The following ECHDC2 variants were observed in gnomAD, a reference collection of about 807,000 sequenced individuals.
ECHDC2 encodes enoyl-CoA hydratase domain-containing protein 2, mitochondrial.
ECHDC2 carries 34 observed loss-of-function variants against 40.6 expected under a neutral mutation model. That is an observed-to-expected ratio of 0.84 (90% CI 0.64 to 1.11). The LOEUF is 1.11. ECHDC2 is among the 50% of genes most tolerant of loss of function. ECHDC2 has a pLI of 0.00. For synonymous variants in ECHDC2, 162 were observed against 166.6 expected (o/e 0.97, Z 0.21); for missense variants, 392 against 400.7 (o/e 0.98, Z 0.19).
At chr1:52,899,132 C>T (rs1390224832) in intron 8 of ECHDC2, 42 bp downstream of exon 8, 2 of 1,610,554 alleles carry the variant, frequency 1.2e-6, no homozygotes, top group Non-Finnish European at 1.7e-6. Flanking sequence ...CCAGCCGCGA[C>T]CAACTTTAGT....
rs1557490168 is a variant in ECHDC2 at position 52,905,041 on chromosome 1, CG to C, written c.506del (p.Pro169ArgfsTer28). 2 of 1,614,048 alleles carry C rather than the reference CG, an allele frequency of 1.2e-6. No individual in the cohort carries two copies. The highest frequency in any genetic ancestry group is 1.7e-6 in the Non-Finnish European group (2 of 1,180,026). ...TGCTGTAGTTGCGATTACCTGCCCC[CG>C]GGAGGAGCCCTCGCGTGGTCTCAAT... ...GLIETTRGLL[P>X]GAGGTQRLPR... On this transcript the variant is annotated frameshift_variant, in exon 6 of 10. Transcript: ENST00000371522. LOFTEE classifies it high-confidence loss of function.
At chr1:52,901,920 G>C (rs1441939638) in intron 7 of ECHDC2, 1 of 152,044 alleles carries the variant, frequency 6.6e-6, no homozygotes, top group Non-Finnish European at 1.5e-5. Flanking sequence ...GTGACCCAGA[G>C]TTCTGTATTA....
intron 1 of ECHDC2, chr1:52,920,637 C>A: frequency 1.1e-6 from 1 of 894,302 alleles, no homozygotes; most frequent in Admixed American, 2.0e-5. Flanking sequence ...CCCTTTATTT[C>A]ATCAGTATTT....
rs763415087 is a variant in ECHDC2, at chr1:52,904,709, C to T, written c.639G>A (p.Gln213=). 1.2e-6 allele frequency: 2 copies of T among 1,612,656 alleles called. No homozygotes were observed. The highest frequency in any genetic ancestry group is 1.7e-6 in the Non-Finnish European group (2 of 1,179,836). Residue 213 remains glutamine (Q), a synonymous_variant, in exon 7 of 10, where the codon CAG becomes CAA. Transcript: ENST00000371522. ...VLGLVNHAVA[Q]NEEGDAAYQR... ...GGTAGGCGGCGTCCCCCTCCTCGTT[C>T]TGGGCCACAGCGTGATTCACCAGCC...
At chr1:52,912,024 G>A (rs1195819479) in intron 1 of ECHDC2, 1 of 1,414,768 alleles carries the variant, frequency 7.1e-7, no homozygotes, top group Non-Finnish European at 9.2e-7. Context: ...CTTGTAAACT[G>A]TGAAGCAAAA....
chr1:52,905,134 C>A (rs771898533), intron 5 of ECHDC2, 44 bp from the exon 6 acceptor site: 1 of 1,605,306 alleles, frequency 6.2e-7, no homozygotes, highest in Non-Finnish European at 8.5e-7. Context: ...CCCATCCGGT[C>A]CCCCAGTGCT....
At chr1:52,897,248 G>T in intron 9 of ECHDC2, 189 bp downstream of exon 9, 1 of 633,950 alleles carries the variant, frequency 1.6e-6, no homozygotes. Context: ...AGATGGTTGA[G>T]GGAAAAGTCC....
At chr1:52,897,704 TC>T (rs1646727540) in intron 8 of ECHDC2, 1 of 607,224 alleles carries the variant, frequency 1.6e-6, no homozygotes, top group South Asian at 1.9e-5. Context: ...GAGTTCTCCT[TC>T]CCATCCGGCT....
At position 52,904,640 on chromosome 1, in the gene ECHDC2, C is replaced by T; in HGVS notation, c.702+6G>A. 1.3e-6 allele frequency: 2 copies of T among 1,577,046 alleles called. No individual in the cohort carries two copies. Among genetic ancestry groups the T allele is most frequent in the Non-Finnish European group, 8.6e-7 (1 of 1,159,784 alleles). On this transcript the variant is annotated splice_donor_region_variant and intron_variant, in intron 7 of 9. Coordinates refer to ENST00000371522, the MANE Select transcript of ECHDC2 (RefSeq NM_001198961.2). The stretch of plus-strand genomic sequence containing the variant: ...CCCTCCTTCTGGTGCCGAGCTGTCA[C>T]CACACCTGGGGCAGGATCTCCTGGG...
In ECHDC2 at chr1:52,904,587, C is replaced by T. The variant is rs79433819; in HGVS notation, c.702+59G>A. ...TGTGCAGCCCAAGGGGACACCCTGCCCCACACATGCCTCCCCCATGACTCC... is the reference window on the plus strand; with the variant it reads ...TGTGCAGCCCAAGGGGACACCCTGCTCCACACATGCCTCCCCCATGACTCC... On this transcript the variant is annotated intron_variant, in intron 7 of 9. Coordinates refer to ENST00000371522, the MANE Select transcript of ECHDC2 (RefSeq NM_001198961.2). 12,848 of 1,444,480 alleles carry T rather than the reference C, an allele frequency of 8.9e-3. 952 individuals carry two copies. In the African/African-American group the frequency reaches 0.16, roughly 18 times the overall value. The allele number at this position is 1,444,480 out of a possible 1,614,324, so 89.5% of individuals were successfully genotyped here.
At position 52,914,122 on chromosome 1, in the gene ECHDC2, A is replaced by G. The variant is rs1650164892; in HGVS notation, c.122-2332T>C. On this transcript the variant is annotated intron_variant, in intron 1 of 9. Coordinates refer to ENST00000371522, the MANE Select transcript of ECHDC2 (RefSeq NM_001198961.2). This position sits in a 1 kb window ranked among gnomAD's most constrained non-coding sequence, Gnocchi z 4.0. ...TAGTGGGGAAGACAGACATTAAATA[A>G]TTACTATTTGTGAGGAGAACTTGGA... 1 of 506,942 alleles carries G rather than the reference A, an allele frequency of 2.0e-6. No individual in the cohort carries two copies. Among genetic ancestry groups the G allele is most frequent in the African/African-American group, 2.0e-5 (1 of 50,968 alleles). 31.4% of individuals were successfully genotyped at this position (506,942 alleles called of 1,614,324 possible). A position where few individuals can be genotyped will look rare whatever the true frequency, so the allele number is the denominator to read the frequency against.
chr1:52,910,865 A>T (rs1215825392), intron 3 of ECHDC2, among the ~76,000 whole-genome samples: 3 of 152,238 alleles, frequency 2.0e-5, no homozygotes, highest in Non-Finnish European at 2.9e-5. Context: ...CTCAAAGGCC[A>T]GATGCAGGGG....
rs780846335 is a variant in ECHDC2, at chr1:52,911,632, G to C, written c.211C>G (p.Leu71Val). ...ACACGCACTTGCCGGTCCTCCCGCA[G>C]CTGGGCCAGAGTTTCCAGCAGCTAC... is the stretch of plus-strand genomic sequence containing the variant. ...VSELLETLAQ[L>V]REDRQVRVLL... Residue 71 changes from leucine (L) to valine (V), a missense_variant, in exon 3 of 10, where the codon CTG becomes GTG. Coordinates refer to ENST00000371522, the MANE Select transcript of ECHDC2 (RefSeq NM_001198961.2). The C allele has an allele frequency of 6.2e-7, 1 of 1,614,192 alleles. No individual in the cohort carries two copies. Among genetic ancestry groups the C allele is most frequent in the Admixed American group, 1.7e-5 (1 of 60,022 alleles).
chr1:52,918,861 G>C lies in ECHDC2; in HGVS notation c.121+2692C>G, dbSNP rs567652127. 7.9e-5 allele frequency among the ~76,000 whole-genome samples: 12 copies of C among 151,100 alleles called. No individual in the cohort carries two copies. In the South Asian group the frequency reaches 2.3e-3, roughly 29 times the overall value. ...CCTAGGCCAGGGGTCCCCAACCCCC[G>C]GGCTGTGGACCCATCCCAGTCTGTG... is the stretch of plus-strand genomic sequence containing the variant. On this transcript the variant is annotated intron_variant, in intron 1 of 9. Coordinates refer to ENST00000371522, the MANE Select transcript of ECHDC2 (RefSeq NM_001198961.2).
chr1:52,897,153 G>C (rs1302820748), intron 9 of ECHDC2: 1 of 512,440 alleles, frequency 2.0e-6, no homozygotes, highest in Admixed American at 3.2e-5. Flanking sequence ...ATCTGATACA[G>C]AGGCAAAAGA....
rs1193398953 is a variant in ECHDC2 at position 52,921,546 on chromosome 1, C to T, written c.121+7G>A. 2 of 1,609,144 alleles carry T rather than the reference C, an allele frequency of 1.2e-6. No individual in the cohort carries two copies. Among genetic ancestry groups the T allele is most frequent in the Admixed American group, 1.7e-5 (1 of 59,642 alleles). ...CGTCATGCGCCGCCCCGGAACTGCA[C>T]ATTTACCTTGGTCCGGACCCGCCAG... is the stretch of plus-strand genomic sequence containing the variant. On this transcript the variant is annotated splice_region_variant and intron_variant, in intron 1 of 9. Transcript: ENST00000371522.
chr1:52,897,840 G>T, intron 8 of ECHDC2: 1 of 389,698 alleles, frequency 2.6e-6, no homozygotes, highest in East Asian at 5.2e-5. Context: ...GAAGTACCAT[G>T]TGTGTGTGAA....
At position 52,914,561 on chromosome 1, in the gene ECHDC2, C is replaced by T. The variant is rs560033058; in HGVS notation, c.122-2771G>A. On this transcript the variant is annotated intron_variant, in intron 1 of 9. Transcript: ENST00000371522. The surrounding 1 kb of genome is among the most constrained non-coding windows in gnomAD (Gnocchi z 4.0). ...TTCCACAGCTAACACACGCCTGCCT[C>T]CTGTACACCCAGGGCTCCCGTGTGT... 6.6e-6 allele frequency among the ~76,000 whole-genome samples: 1 copy of T among 152,258 alleles called. No individual in the cohort carries two copies. Among genetic ancestry groups the T allele is most frequent in the African/African-American group, 2.4e-5 (1 of 41,532 alleles).
intron 1 of ECHDC2, chr1:52,913,959 A>G (rs1650127099): frequency 1.7e-6 from 2 of 1,179,314 alleles, no homozygotes; most frequent in Non-Finnish European, 2.1e-6. Flanking sequence ...TAAGTGCGTA[A>G]GTTCCTTAAG....
Sources: allele counts gnomAD v4.1 joint callset (sites outside exome capture counted in the v4.1 genomes callset), GRCh38; gene constraint gnomAD v4.1.1; non-coding constraint Gnocchi (gnomAD v3.1); transcripts MANE v1.5; gene names NCBI Gene and HGNC (gene_info 2026-07-23, HGNC 2026-07-21).